The following SCHIP1 variants were observed in gnomAD, a reference collection of about 807,000 sequenced individuals.
SCHIP1 encodes schwannomin-interacting protein 1.
SCHIP1 carries 8 observed loss-of-function variants against 29.7 expected under a neutral mutation model. That is an observed-to-expected ratio of 0.27 (90% CI 0.16 to 0.49). SCHIP1 has a LOEUF of 0.49. Among genes scored for constraint, SCHIP1 ranks in the 20% least tolerant of loss-of-function variants. SCHIP1 has a pLI of 0.99. For synonymous variants in SCHIP1, 76 were observed against 94.9 expected (o/e 0.80, Z 1.16); for missense variants, 193 against 294.6 (o/e 0.66, Z 2.52).
At chr3:159,615,652 G>T in the SCHIP1 span, among the ~76,000 whole-genome samples, 2 of 152,196 alleles carry the variant, frequency 1.3e-5, no homozygotes, top group Non-Finnish European at 2.9e-5. Flanking sequence ...AGCATGTCAT[G>T]ACCTTGGCAG....
intron 2 of SCHIP1, among the ~76,000 whole-genome samples, chr3:159,868,398 T>TA (rs1333483636): frequency 6.6e-6 from 1 of 152,132 alleles, no homozygotes; most frequent in Non-Finnish European, 1.5e-5. Context: ...GCTCTTTTTT[T>TA]ACAGCCCTCC....
At chr3:159,472,919 A>T in the SCHIP1 span, among the ~76,000 whole-genome samples, 1 of 152,190 alleles carries the variant, frequency 6.6e-6, no homozygotes, top group Non-Finnish European at 1.5e-5. Context: ...GTTGAGTCAA[A>T]TGTTTGTTCT....
intron 1 of SCHIP1, among the ~76,000 whole-genome samples, chr3:159,843,781 C>T (rs892813711): frequency 6.9e-6 from 1 of 144,696 alleles, no homozygotes; most frequent in African/African-American, 2.7e-5. Context: ...TGAGATCACG[C>T]CACTGCGCTC....
the SCHIP1 span, among the ~76,000 whole-genome samples, chr3:159,804,785 A>G: frequency 6.6e-6 from 1 of 152,200 alleles, no homozygotes; most frequent in South Asian, 2.1e-4. Context: ...CATTGGCCCA[A>G]TGGGGCATCA....
At chr3:159,387,290 C>A in the SCHIP1 span, 1 of 275,366 alleles carries the variant, frequency 3.6e-6, no homozygotes, top group Non-Finnish European at 7.2e-6. Flanking sequence ...AAATTTTCAT[C>A]CTTGAGGGAT....
chr3:159,875,266 A>G (rs1715686095), intron 2 of SCHIP1, among the ~76,000 whole-genome samples: 1 of 152,242 alleles, frequency 6.6e-6, no homozygotes, highest in African/African-American at 2.4e-5. Flanking sequence ...TCACTTTACA[A>G]TAACACCAAT....
the SCHIP1 span, among the ~76,000 whole-genome samples, chr3:159,666,103 A>C: frequency 6.6e-6 from 1 of 152,192 alleles, no homozygotes; most frequent in Non-Finnish European, 1.5e-5. Flanking sequence ...CCCTCCAAAT[A>C]ATGAACTCCA....
the SCHIP1 span, among the ~76,000 whole-genome samples, chr3:159,757,305 AG>A: frequency 6.6e-6 from 1 of 152,226 alleles, no homozygotes; most frequent in South Asian, 2.1e-4. Flanking sequence ...GGATGCCAGC[AG>A]GCAAAAAGAG....
chr3:159,281,937 A>G, the SCHIP1 span, among the ~76,000 whole-genome samples: 2 of 152,134 alleles, frequency 1.3e-5, no homozygotes, highest in Non-Finnish European at 2.9e-5. Flanking sequence ...ATGAATATAT[A>G]TAAATATAGC....
chr3:159,593,950 T>C, the SCHIP1 span, among the ~76,000 whole-genome samples: 1 of 152,218 alleles, frequency 6.6e-6, no homozygotes, highest in African/African-American at 2.4e-5. Flanking sequence ...GCCTCTGTGA[T>C]CACCTCTGCT....
the SCHIP1 span, among the ~76,000 whole-genome samples, chr3:159,319,296 G>T: frequency 6.6e-6 from 1 of 152,100 alleles, no homozygotes; most frequent in Non-Finnish European, 1.5e-5. Context: ...TGGAGAAAAG[G>T]GTTCATTTTC....
chr3:159,339,610 T>C, the SCHIP1 span, among the ~76,000 whole-genome samples: 3 of 152,170 alleles, frequency 2.0e-5, no homozygotes, highest in African/African-American at 7.2e-5. Flanking sequence ...GGTAATAGTT[T>C]GATAGATGTG....
chr3:159,648,305 T>C, the SCHIP1 span, among the ~76,000 whole-genome samples: 2 of 152,148 alleles, frequency 1.3e-5, no homozygotes, highest in African/African-American at 4.8e-5. Flanking sequence ...AATAGCATCA[T>C]GATTGAGAGC....
At chr3:159,545,197 A>G in the SCHIP1 span, among the ~76,000 whole-genome samples, 5 of 152,106 alleles carry the variant, frequency 3.3e-5, no homozygotes, top group Middle Eastern at 0.01. Context: ...GATGGTTAAT[A>G]CTGAGTGTCA....
intron 2 of SCHIP1, among the ~76,000 whole-genome samples, chr3:159,879,730 T>G (rs1432721327): frequency 1.3e-5 from 2 of 152,126 alleles, no homozygotes; most frequent in Non-Finnish European, 2.9e-5. Flanking sequence ...TACATGAAAG[T>G]GGTCATTAGT....
chr3:159,285,877 T>C, the SCHIP1 span, among the ~76,000 whole-genome samples: 1 of 152,172 alleles, frequency 6.6e-6, no homozygotes, highest in African/African-American at 2.4e-5. Flanking sequence ...GCATTTCCTA[T>C]TCTCTTTAGT....
the SCHIP1 span, among the ~76,000 whole-genome samples, chr3:159,473,421 T>C: frequency 1.3e-5 from 2 of 152,058 alleles, no homozygotes; most frequent in Admixed American, 1.3e-4. Flanking sequence ...CTAGAGGATA[T>C]GTAGGAATAA....
At chr3:159,470,576 A>T in the SCHIP1 span, among the ~76,000 whole-genome samples, 1 of 152,148 alleles carries the variant, frequency 6.6e-6, no homozygotes, top group African/African-American at 2.4e-5. Flanking sequence ...ACAGGCACAC[A>T]CACATATACA....
At chr3:159,798,946 A>T in the SCHIP1 span, among the ~76,000 whole-genome samples, 2 of 152,082 alleles carry the variant, frequency 1.3e-5, no homozygotes, top group Non-Finnish European at 2.9e-5. Flanking sequence ...TTATTTCTTG[A>T]ACTTTTGCTT....
Sources: gnomAD v4.1 joint callset for allele counts (sites outside exome capture counted in the v4.1 genomes callset) on GRCh38, gnomAD v4.1.1 for gene constraint, MANE v1.5 for transcripts, NCBI Gene and HGNC (gene_info 2026-07-23, HGNC 2026-07-21) for gene names.